CSNK1G1: variants seen among roughly 807,000 people sequenced by gnomAD.
The protein encoded by CSNK1G1 is casein kinase 1 gamma 1.
CSNK1G1 carries 22 observed loss-of-function variants against 59.6 expected under a neutral mutation model. The ratio of observed to expected loss-of-function variants is 0.37; its 90% confidence interval spans 0.26 to 0.53. The LOEUF (loss-of-function observed/expected upper bound fraction) is 0.53, where lower values mean the gene tolerates loss of function less well. Among genes scored for constraint, CSNK1G1 ranks in the 20% least tolerant of loss-of-function variants. The probability of loss-of-function intolerance (pLI) is 0.89; values close to 1 mark genes in which losing one functional copy is unlikely to be tolerated. For synonymous variants in CSNK1G1, 179 were observed against 177.1 expected, an observed-to-expected ratio of 1.01 and a Z score of -0.08; for missense variants, 384 against 519.5, an observed-to-expected ratio of 0.74 and a Z score of 2.54.
intron 4 of CSNK1G1, among the ~76,000 whole-genome samples, chr15:64,218,687 C>T (rs1260011891): frequency 6.6e-6 from 1 of 151,992 alleles, no homozygotes; most frequent in Non-Finnish European, 1.5e-5. Context: ...CCATGCCCGG[C>T]CTAAATCCTA....
At chr15:64,225,310 G>A (rs1467035584) in intron 4 of CSNK1G1, among the ~76,000 whole-genome samples, 1 of 152,044 alleles carries the variant, frequency 6.6e-6, no homozygotes, top group Admixed American at 6.6e-5. Flanking sequence ...GCCAACCTAT[G>A]GCTGCCTTCT....
At chr15:64,278,037 T>G (rs1893842893) in intron 2 of CSNK1G1, among the ~76,000 whole-genome samples, 1 of 148,360 alleles carries the variant, frequency 6.7e-6, no homozygotes, top group African/African-American at 2.5e-5. Context: ...TATTATTTTA[T>G]TATCTATTAA....
intron 10 of CSNK1G1, among the ~76,000 whole-genome samples, chr15:64,186,301 T>C (rs1337810415): frequency 6.6e-6 from 1 of 152,118 alleles, no homozygotes; most frequent in African/African-American, 2.4e-5. Flanking sequence ...TTAGTAGAGA[T>C]GGAGTTTCAC....
intron 6 of CSNK1G1, among the ~76,000 whole-genome samples, chr15:64,208,732 C>T (rs540001688): frequency 6.6e-6 from 1 of 152,204 alleles, no homozygotes; most frequent in South Asian, 2.1e-4. Context: ...GATGGGATGT[C>T]GCTATGTTGC....
intron 1 of CSNK1G1, among the ~76,000 whole-genome samples, chr15:64,321,616 T>C (rs544589579): frequency 1.3e-5 from 2 of 152,334 alleles, no homozygotes; most frequent in Admixed American, 1.3e-4. Context: ...ATGGCCATAA[T>C]ATATCATGCA....
chr15:64,247,400 C>T (rs1891816518), intron 4 of CSNK1G1, among the ~76,000 whole-genome samples: 2 of 152,090 alleles, frequency 1.3e-5, no homozygotes, highest in Non-Finnish European at 1.5e-5. Context: ...AAATAAAATG[C>T]TTATTCTCAG....
At chr15:64,208,541 T>C (rs1239083560) in intron 6 of CSNK1G1, among the ~76,000 whole-genome samples, 1 of 152,204 alleles carries the variant, frequency 6.6e-6, no homozygotes, top group Non-Finnish European at 1.5e-5. Flanking sequence ...CGTTTCTTTA[T>C]TCTTTTTTAC....
At chr15:64,191,341 T>C (rs2140228925) in intron 10 of CSNK1G1, among the ~76,000 whole-genome samples, 2 of 152,288 alleles carry the variant, frequency 1.3e-5, no homozygotes, top group South Asian at 4.1e-4. Flanking sequence ...ATTATAGGTG[T>C]GAGCCACGGC....
chr15:64,319,263 A>T (rs551851544), intron 1 of CSNK1G1, among the ~76,000 whole-genome samples: 27 of 152,328 alleles, frequency 1.8e-4, no homozygotes, highest in African/African-American at 6.3e-4. Context: ...GGTATCATCC[A>T]GAGTCTCACA....
At chr15:64,354,774 A>G (rs187108200) in intron 1 of CSNK1G1, among the ~76,000 whole-genome samples, 1 of 152,226 alleles carries the variant, frequency 6.6e-6, no homozygotes, top group Non-Finnish European at 1.5e-5. Context: ...ATTTTAACTC[A>G]TACTACTTAT....
At chr15:64,296,067 C>A (rs1185181775) in intron 2 of CSNK1G1, among the ~76,000 whole-genome samples, 1 of 152,140 alleles carries the variant, frequency 6.6e-6, no homozygotes, top group Non-Finnish European at 1.5e-5. Context: ...TCAAATCATA[C>A]CTCCTCTTTG....
intron 4 of CSNK1G1, among the ~76,000 whole-genome samples, chr15:64,222,067 A>AC (rs2082395098): frequency 6.6e-6 from 1 of 152,182 alleles, no homozygotes; most frequent in Non-Finnish European, 1.5e-5. Flanking sequence ...AAAATATGGT[A>AC]CATACACACC....
chr15:64,289,573 T>C (rs1894623149), intron 2 of CSNK1G1, among the ~76,000 whole-genome samples: 1 of 151,904 alleles, frequency 6.6e-6, no homozygotes, highest in Admixed American at 6.6e-5. Flanking sequence ...AAAAACAAAA[T>C]AGACAAATGG....
intron 4 of CSNK1G1, among the ~76,000 whole-genome samples, chr15:64,221,926 G>A (rs1378322445): frequency 1.3e-5 from 2 of 152,094 alleles, no homozygotes; most frequent in Non-Finnish European, 1.5e-5. Context: ...CCATTACTGA[G>A]TATATACCCA....
chr15:64,348,709 G>T (rs1320212142), intron 1 of CSNK1G1, among the ~76,000 whole-genome samples: 2 of 152,090 alleles, frequency 1.3e-5, no homozygotes, highest in Non-Finnish European at 2.9e-5. Flanking sequence ...CACAGCTGTG[G>T]TTAGCAATTT....
chr15:64,334,545 T>G (rs1316137402), intron 1 of CSNK1G1, among the ~76,000 whole-genome samples: 3 of 152,200 alleles, frequency 2.0e-5, no homozygotes, highest in Non-Finnish European at 4.4e-5. Flanking sequence ...GCCCTGAGCT[T>G]GTTTTCCTGC....
At chr15:64,289,048 G>A (rs925187220) in intron 2 of CSNK1G1, among the ~76,000 whole-genome samples, 6 of 151,802 alleles carry the variant, frequency 4.0e-5, no homozygotes, top group African/African-American at 1.5e-4. Context: ...GGTGGTGCAC[G>A]CCTGTAACCC....
rs536076718 is a variant in CSNK1G1, at chr15:64,215,964, T to A, written c.444+598A>T. On this transcript the variant is annotated intron_variant, in intron 5 of 11. Transcript: ENST00000303052. Reference sequence around the variant, plus strand: ...CACATAAATAGGCTGGGTGCAGTGGTTCATGCCTGTAATCCTAGCACATTG... The same window carrying A: ...CACATAAATAGGCTGGGTGCAGTGGATCATGCCTGTAATCCTAGCACATTG... Among the ~76,000 whole-genome samples, 229 of 152,270 alleles carry A rather than the reference T, an allele frequency of 1.5e-3. 2 individuals are homozygous for A. The highest frequency in any genetic ancestry group is 3.8e-4 in the Non-Finnish European group (26 of 68,008).
At chr15:64,240,600 T>C (rs1270261569) in intron 4 of CSNK1G1, among the ~76,000 whole-genome samples, 1 of 151,112 alleles carries the variant, frequency 6.6e-6, no homozygotes, top group African/African-American at 2.4e-5. Flanking sequence ...GTGGAAACCT[T>C]ACAGGCCAGG....
Sources: gnomAD v4.1 joint callset for allele counts (sites outside exome capture counted in the v4.1 genomes callset) on GRCh38, gnomAD v4.1.1 for gene constraint, MANE v1.5 for transcripts, NCBI Gene and HGNC (gene_info 2026-07-23, HGNC 2026-07-21) for gene names.